Variants in RNF166 observed in about 807,000 individuals in gnomAD.
RNF166 encodes the protein ring finger protein 166, also known as E3 ubiquitin-protein ligase RNF166.
In RNF166, 19 loss-of-function variants were observed where a neutral mutation model predicts 29.4. That is an observed-to-expected ratio of 0.65 (90% CI 0.45 to 0.95). The LOEUF (loss-of-function observed/expected upper bound fraction) is 0.95, where lower values mean the gene tolerates loss of function less well. Ranked by LOEUF, RNF166 falls within the 40% of genes least tolerant of loss-of-function variation. The pLI, the probability that RNF166 is intolerant of heterozygous loss-of-function variation, is 0.00. For synonymous variants in RNF166, 171 were observed against 134.5 expected (o/e 1.27, Z -1.88); for missense variants, 347 against 322.1 (o/e 1.08, Z -0.59).
At chr16:88,698,075 G>C (rs113060025) in intron 5 of RNF166, 90 of 567,328 alleles carry the variant, frequency 1.6e-4, no homozygotes, top group African/African-American at 1.6e-3. Flanking sequence ...GGAGTGAGGA[G>C]TTTGTGCGAG....
At chr16:88,703,756 G>A (rs553946039) in intron 1 of RNF166, 158 of 985,524 alleles carry the variant, frequency 1.6e-4, no homozygotes, top group East Asian at 7.9e-4. Context: ...GGGCGATCGC[G>A]CACTGGCCCT....
chr16:88,699,779 G>A (rs906515073), intron 2 of RNF166, 47 bp from the exon 3 acceptor site: 21 of 1,447,038 alleles, frequency 1.5e-5, no homozygotes, highest in African/African-American at 2.8e-5. Context: ...GAATCTGGAA[G>A]GGCCGTCCTG....
intron 1 of RNF166, chr16:88,703,257 T>G (rs4489989): frequency 0.73 from 714,246 of 978,004 alleles, 262,664 homozygotes; most frequent in African/African-American, 0.78. Context: ...CATCGATTGT[T>G]GCATAATTGC....
rs554017246 is a variant in RNF166 at position 88,701,546 on chromosome 16, G to A, written c.156-128C>T. The A allele has an allele frequency of 1.0e-3, 884 of 886,034 alleles. 2 individuals are homozygous for A. Among genetic ancestry groups the A allele is most frequent in the Middle Eastern group, 6.5e-3 (18 of 2,788 alleles). 54.9% of individuals were successfully genotyped at this position (886,034 alleles called of 1,614,324 possible). On this transcript the variant is annotated intron_variant, in intron 1 of 5. Coordinates refer to ENST00000312838, the MANE Select transcript of RNF166 (RefSeq NM_178841.4). ...AGGGGCAGCTCCCCCTACCGCTGTCGCCGTCTCTGGAGATGGTCACTCCTA... is the reference window on the plus strand; with the variant it reads ...AGGGGCAGCTCCCCCTACCGCTGTCACCGTCTCTGGAGATGGTCACTCCTA...
chr16:88,698,517 G>C lies in RNF166; in HGVS notation c.633C>G (p.Ser211=), dbSNP rs754259426. The C allele has an allele frequency of 1.8e-5, 28 of 1,570,654 alleles. No homozygotes were observed. In the South Asian group the frequency reaches 3.3e-4, roughly 18 times the overall value. The change falls in exon 5 of 6, where the codon TCC becomes TCG. Residue 211 remains serine (S), a synonymous_variant. Transcript: ENST00000312838. ...LQHLLHRHKF[S]YDTFVDYSID... is the part of the protein sequence containing the mutation. ...GGATGCCTACCACAAAGGTGTCGTAGGAGAACTTGTGTCGGTGAAGCAGGT... is the reference window on the plus strand; with the variant it reads ...GGATGCCTACCACAAAGGTGTCGTACGAGAACTTGTGTCGGTGAAGCAGGT...
chr16:88,698,722 C>T (rs1909891878), intron 4 of RNF166, 113 bp from the exon 5 acceptor site: 3 of 805,712 alleles, frequency 3.7e-6, no homozygotes, highest in African/African-American at 1.7e-5. Context: ...CCTGGGAAGG[C>T]ACCCCAGACC....
chr16:88,703,152 G>A (rs1280997355), intron 1 of RNF166: 5 of 985,318 alleles, frequency 5.1e-6, no homozygotes, highest in Non-Finnish European at 6.0e-6. Flanking sequence ...GTCCAGCAGA[G>A]AGAAACCCAG....
At chr16:88,701,502 C>G (rs1910227862) in intron 1 of RNF166, 84 bp from the exon 2 acceptor site, 1 of 1,353,282 alleles carries the variant, frequency 7.4e-7, no homozygotes, top group South Asian at 1.5e-5. Flanking sequence ...TCTTAGGACC[C>G]AGCATTTGTG....
intron 1 of RNF166, chr16:88,704,556 G>A (rs1567640929): frequency 4.1e-6 from 4 of 985,328 alleles, no homozygotes; most frequent in Middle Eastern, 5.2e-4. Flanking sequence ...AGATGCTGTG[G>A]CCGACCACAC....
chr16:88,702,834 C>G, intron 1 of RNF166: 1 of 985,518 alleles, frequency 1.0e-6, no homozygotes, highest in African/African-American at 1.7e-5. Context: ...TGGCACTGAC[C>G]CCTGGATTTG....
In RNF166 at chr16:88,699,602, G is replaced by A; in HGVS notation, c.425+18C>T. ...CCGCCGAGGACAGTTCCTCTCCCTT[G>A]CCCGGCAGCGTGCCTACCTGGGGAT... On this transcript the variant is annotated intron_variant, in intron 3 of 5. Coordinates refer to ENST00000312838, the MANE Select transcript of RNF166 (RefSeq NM_178841.4). 6.3e-7 allele frequency: 1 copy of A among 1,590,738 alleles called. No homozygotes were observed. Among genetic ancestry groups the A allele is most frequent in the Non-Finnish European group, 8.6e-7 (1 of 1,161,180 alleles).
In RNF166 at chr16:88,704,562, C is replaced by T. The variant is rs538715105; in HGVS notation, c.155+1609G>A. ...GGAAAGTGGAGATGCTGTGGCCGAC[C>T]ACACGGTGAAGGTGTTGGCACCCAA... On this transcript the variant is annotated intron_variant, in intron 1 of 5. Coordinates refer to ENST00000312838, the MANE Select transcript of RNF166 (RefSeq NM_178841.4). 17 of 985,440 alleles carry T rather than the reference C, an allele frequency of 1.7e-5. No homozygotes were observed. The East Asian group carries it at 1.8e-3, about 105-fold the overall frequency. 61.0% of individuals were successfully genotyped at this position (985,440 alleles called of 1,614,324 possible).
intron 1 of RNF166, among the ~76,000 whole-genome samples, chr16:88,702,153 C>CCCTCCTGCTGCTATCTACAACCA (rs151144464): frequency 6.6e-6 from 1 of 151,954 alleles, no homozygotes; most frequent in South Asian, 2.1e-4. Flanking sequence ...GGCTCGCACA[C>CCCTCCTGCTGCTATCTACAACCA]CCTCCCGCTC....
chr16:88,701,530 T>A (rs1910231569), intron 1 of RNF166, 112 bp from the exon 2 acceptor site: 5 of 1,024,572 alleles, frequency 4.9e-6, no homozygotes, highest in Non-Finnish European at 6.9e-6. Context: ...CAGGGGCAGC[T>A]CCCCCTACCG....
At chr16:88,702,952 A>G in intron 1 of RNF166, 1 of 985,536 alleles carries the variant, frequency 1.0e-6, no homozygotes, top group Non-Finnish European at 1.2e-6. Context: ...TCATGGCAGG[A>G]GAAGCGGAAG....
chr16:88,702,253 C>T (rs1182908112), intron 1 of RNF166, among the ~76,000 whole-genome samples: 1 of 152,210 alleles, frequency 6.6e-6, no homozygotes, highest in Non-Finnish European at 1.5e-5. Flanking sequence ...AGAGAAGGAG[C>T]TTAATACTGG....
intron 1 of RNF166, chr16:88,703,625 GC>G: frequency 8.1e-6 from 8 of 985,500 alleles, no homozygotes; most frequent in Non-Finnish European, 9.6e-6. Flanking sequence ...AGTAGTGCCC[GC>G]TTCCCCCACA....
intron 1 of RNF166, among the ~76,000 whole-genome samples, chr16:88,701,857 G>A (rs1007871903): frequency 3.9e-5 from 6 of 152,218 alleles, no homozygotes; most frequent in South Asian, 2.1e-4. Context: ...TCAAACAATC[G>A]TGGGAAAGGA....
At chr16:88,706,056 C>T (rs1344325459) in intron 1 of RNF166, 115 bp downstream of exon 1, 14 of 646,892 alleles carry the variant, frequency 2.2e-5, no homozygotes, top group Non-Finnish European at 2.7e-5. Flanking sequence ...GGCCCCGGCG[C>T]CCCGAGTCCC....
Sources: gnomAD v4.1 joint callset for allele counts (sites outside exome capture counted in the v4.1 genomes callset) on GRCh38, gnomAD v4.1.1 for gene constraint, MANE v1.5 for transcripts, NCBI Gene and HGNC (gene_info 2026-07-23, HGNC 2026-07-21) for gene names.